The following CDH13 variants were observed in gnomAD, a reference collection of about 807,000 sequenced individuals.
The protein encoded by CDH13 is cadherin-13.
CDH13 carries 24 observed loss-of-function variants against 63.8 expected under a neutral mutation model. The observed-to-expected ratio is 0.38, with a 90% CI of 0.27 to 0.53. The LOEUF (loss-of-function observed/expected upper bound fraction) is 0.53, where lower values mean the gene tolerates loss of function less well. CDH13 is among the 20% of genes least tolerant of loss of function. CDH13 has a pLI of 0.85. For synonymous variants in CDH13, 503 were observed against 355.3 expected (o/e 1.42, Z -4.67); for missense variants, 1,049 against 903.1 (o/e 1.16, Z -2.07).
intron 6 of CDH13, among the ~76,000 whole-genome samples, chr16:83,406,618 A>T (rs923455474): frequency 1.2e-4 from 18 of 152,070 alleles, no homozygotes; most frequent in African/African-American, 4.3e-4. Flanking sequence ...CGCACATGCC[A>T]CCACGGCCAG....
At chr16:82,689,982 TAAAAAAAAAAAAAA>T (rs71146085) in intron 1 of CDH13, among the ~76,000 whole-genome samples, 11 of 15,776 alleles carry the variant, frequency 7.0e-4, no homozygotes, top group South Asian at 6.6e-3. Context: ...CCATCTCTAC[TAAAAAAAAAAAAAA>T]AAAAAAAAAA....
In CDH13 at chr16:83,559,568, TAA is replaced by T. The variant is rs2075663956; in HGVS notation, c.961-42882_961-42881del. 5.4e-5 allele frequency among the ~76,000 whole-genome samples: 6 copies of T among 111,812 alleles called. No individual in the cohort carries two copies. In the South Asian group the frequency reaches 1.8e-3, roughly 33 times the overall value. The allele number at this position is 111,812 out of a possible 152,430, so 73.4% of individuals were successfully genotyped here. ...CTTGGGCAACAAGAGCGAAACTGTA[TAA>T]AAAGAAAGAGAGAGAGAGAGAGAAA... On this transcript the variant is annotated intron_variant, in intron 7 of 13. Coordinates refer to ENST00000567109, the MANE Select transcript of CDH13 (RefSeq NM_001257.5).
At chr16:82,726,180 C>T (rs1186524358) in intron 1 of CDH13, among the ~76,000 whole-genome samples, 7 of 152,124 alleles carry the variant, frequency 4.6e-5, no homozygotes, top group Admixed American at 3.3e-4. Flanking sequence ...GGTTATACAG[C>T]ACCAAGGGGT....
At chr16:83,507,677 C>G (rs1247842693) in intron 7 of CDH13, among the ~76,000 whole-genome samples, 1 of 152,140 alleles carries the variant, frequency 6.6e-6, no homozygotes, top group Non-Finnish European at 1.5e-5. Context: ...GGCACATGCT[C>G]AGACATCCTT....
chr16:82,769,880 A>T (rs570407044), intron 1 of CDH13, among the ~76,000 whole-genome samples: 2 of 152,240 alleles, frequency 1.3e-5, no homozygotes, highest in Non-Finnish European at 2.9e-5. Flanking sequence ...AGGATAAGTC[A>T]GAGAGGAAAT....
At chr16:83,277,877 A>T (rs1425381133) in intron 5 of CDH13, among the ~76,000 whole-genome samples, 1 of 152,196 alleles carries the variant, frequency 6.6e-6, no homozygotes, top group Non-Finnish European at 1.5e-5. Flanking sequence ...GAAACCAAAA[A>T]ATTTGAGAAG....
In CDH13 at chr16:83,108,036, T is replaced by C. The variant is rs187348486; in HGVS notation, c.367-17349T>C. 7.2e-5 allele frequency among the ~76,000 whole-genome samples: 11 copies of C among 152,244 alleles called. No homozygotes were observed. In the East Asian group the frequency reaches 2.1e-3, roughly 29 times the overall value. On this transcript the variant is annotated intron_variant, in intron 3 of 13. Coordinates refer to ENST00000567109, the MANE Select transcript of CDH13 (RefSeq NM_001257.5). Reference sequence around the variant, plus strand: ...CGGGGTTTCACCATCTTGGACAGGCTGGTCTTGACTCCCTGACCTCGTGAT... The same window carrying C: ...CGGGGTTTCACCATCTTGGACAGGCCGGTCTTGACTCCCTGACCTCGTGAT...
chr16:83,458,869 A>T lies in CDH13; in HGVS notation c.782-27608A>T, dbSNP rs569705036. 1.4e-3 allele frequency among the ~76,000 whole-genome samples: 207 copies of T among 152,344 alleles called. 4 individuals are homozygous for T. The South Asian group carries it at 0.04, about 29-fold the overall frequency. On this transcript the variant is annotated intron_variant, in intron 6 of 13. Transcript: ENST00000567109. Reference sequence around the variant, plus strand: ...GATGAGATTTCAGTTTCACTGCAGCATTGCAGCAATGAGAAAACATCCCAT... The same window carrying T: ...GATGAGATTTCAGTTTCACTGCAGCTTTGCAGCAATGAGAAAACATCCCAT...
At chr16:83,167,197 T>A in intron 4 of CDH13, among the ~76,000 whole-genome samples, 1 of 144,604 alleles carries the variant, frequency 6.9e-6, no homozygotes. Context: ...TGAAATGTAG[T>A]ATTAAAAAAA....
At chr16:83,767,308 T>C (rs1468004003) in intron 11 of CDH13, among the ~76,000 whole-genome samples, 1 of 151,512 alleles carries the variant, frequency 6.6e-6, no homozygotes, top group African/African-American at 2.4e-5. Context: ...TCTAGAGTAA[T>C]GGAATCATGG....
At chr16:82,944,752 A>C (rs1262705240) in intron 2 of CDH13, among the ~76,000 whole-genome samples, 1 of 152,058 alleles carries the variant, frequency 6.6e-6, no homozygotes, top group Non-Finnish European at 1.5e-5. Flanking sequence ...TTGTGAATTT[A>C]TTTGTTTTAT....
intron 1 of CDH13, among the ~76,000 whole-genome samples, chr16:82,652,276 G>A (rs1186211407): frequency 1.3e-5 from 2 of 152,200 alleles, no homozygotes; most frequent in Non-Finnish European, 2.9e-5. Context: ...AAAGATTACA[G>A]GAAAATAGCT....
rs376793481 is a variant in CDH13, at chr16:82,972,097, G to A, written c.158-59913G>A. ...TCAGAAGAGAGTCTACCCAAGTGAA[G>A]CAGTGTAGGGTGAGGCTAAATCCCA... is the stretch of plus-strand genomic sequence containing the variant. On this transcript the variant is annotated intron_variant, in intron 2 of 13. Coordinates refer to ENST00000567109, the MANE Select transcript of CDH13 (RefSeq NM_001257.5). Among the ~76,000 whole-genome samples the A allele has an allele frequency of 7.5e-4, 115 of 152,328 alleles. 4 individuals are homozygous for A. In the South Asian group the frequency reaches 0.021, roughly 28 times the overall value.
At chr16:82,691,072 G>A (rs1460980056) in intron 1 of CDH13, among the ~76,000 whole-genome samples, 4 of 152,182 alleles carry the variant, frequency 2.6e-5, no homozygotes, top group Non-Finnish European at 4.4e-5. Flanking sequence ...TACACATTCA[G>A]CAAATATTTA....
intron 10 of CDH13, among the ~76,000 whole-genome samples, chr16:83,712,742 T>A (rs1210653628): frequency 6.6e-6 from 1 of 152,212 alleles, no homozygotes; most frequent in Non-Finnish European, 1.5e-5. Flanking sequence ...ACAGACATTG[T>A]TTTCCTCTAA....
At chr16:83,761,769 T>G (rs1913988244) in intron 11 of CDH13, among the ~76,000 whole-genome samples, 2 of 152,208 alleles carry the variant, frequency 1.3e-5, no homozygotes, top group African/African-American at 4.8e-5. Context: ...CTGTTATCAG[T>G]AATTTTAATG....
intron 6 of CDH13, among the ~76,000 whole-genome samples, chr16:83,373,639 T>G (rs2091411856): frequency 6.6e-6 from 1 of 151,990 alleles, no homozygotes; most frequent in African/African-American, 2.4e-5. Context: ...TTAAGACTAT[T>G]AGGAACAAAA....
At chr16:82,685,488 G>A (rs1490173381) in intron 1 of CDH13, among the ~76,000 whole-genome samples, 1 of 152,176 alleles carries the variant, frequency 6.6e-6, no homozygotes, top group Non-Finnish European at 1.5e-5. Context: ...GATGTTGGGG[G>A]GAATAAATCT....
chr16:83,327,913 A>T (rs975284573), intron 5 of CDH13, among the ~76,000 whole-genome samples: 7 of 152,206 alleles, frequency 4.6e-5, no homozygotes, highest in African/African-American at 9.6e-5. Context: ...CGGGTGGATC[A>T]CGAAGTCAGG....
Sources: allele counts gnomAD v4.1 joint callset (sites outside exome capture counted in the v4.1 genomes callset), GRCh38; gene constraint gnomAD v4.1.1; transcripts MANE v1.5; gene names NCBI Gene and HGNC (gene_info 2026-07-23, HGNC 2026-07-21).